The following C1orf141 variants were observed in gnomAD, a reference collection of about 807,000 sequenced individuals.
C1orf141 encodes chromosome 1 open reading frame 141.
C1orf141 carries 19 observed loss-of-function variants against 23.2 expected under a neutral mutation model. That is an observed-to-expected ratio of 0.82 (90% CI 0.57 to 1.20). C1orf141 has a LOEUF of 1.20. Among genes scored for constraint, C1orf141 ranks in the 50% most tolerant of loss-of-function variants. The pLI is 0.00. For synonymous variants in C1orf141, 153 were observed against 154.6 expected, an observed-to-expected ratio of 0.99 and a Z score of 0.08; for missense variants, 469 against 455.1, an observed-to-expected ratio of 1.03 and a Z score of -0.28.
At chr1:67,101,246 TTGA>T (rs1645791377) in intron 5 of C1orf141, among the ~76,000 whole-genome samples, 1 of 152,106 alleles carries the variant, frequency 6.6e-6, no homozygotes, top group African/African-American at 2.4e-5. Context: ...TACCCTAGCT[TTGA>T]GTACATCTAA....
In C1orf141 at chr1:67,125,136, T is replaced by G. The variant is rs143377640; in HGVS notation, c.233+616A>C. On this transcript the variant is annotated intron_variant, in intron 4 of 7. Transcript: ENST00000684719. ...TTAGTTTTCTAGGCAGACTTTTTCT[T>G]AAGTATATCAGTTAAAGTTTGCAAT... 3.0e-3 allele frequency among the ~76,000 whole-genome samples: 450 copies of G among 152,350 alleles called. 8 individuals carry two copies. Among genetic ancestry groups the G allele is most frequent in the Admixed American group, 0.027 (410 of 15,294 alleles).
At chr1:67,121,230 T>C (rs6588241) in intron 4 of C1orf141, among the ~76,000 whole-genome samples, 134,086 of 152,264 alleles carry the variant, frequency 0.88, 59,223 homozygotes, top group East Asian at 0.97. Flanking sequence ...TAAGCTACTT[T>C]TTTGCTGAAC....
In C1orf141 at chr1:67,093,541, T is replaced by G; in HGVS notation, c.667A>C (p.Thr223Pro). 1 of 1,604,994 alleles carries G rather than the reference T, an allele frequency of 6.2e-7. No homozygotes were observed. The highest frequency in any genetic ancestry group is 1.3e-5 in the African/African-American group (1 of 74,698). Residue 223 changes from threonine (T) to proline (P), a missense_variant, in exon 8 of 8, where the codon ACA becomes CCA. By Grantham distance (38) the Thr-to-Pro change is conservative (BLOSUM62 -1). This residue lies in a region of C1orf141 where 370 missense variants were observed against 348.1 expected (regional missense o/e 1.06). Transcript: ENST00000684719. Reference sequence around the variant, plus strand: ...GGATGAGAAGAAAATCTATTTTTTGTCAAAAGTAACATTCGTACATATTCT... The same window carrying G: ...GGATGAGAAGAAAATCTATTTTTTGGCAAAAGTAACATTCGTACATATTCT... ...DTEYVRMLLLTKNRFSSHPLE... is the reference protein window; with the variant it reads ...DTEYVRMLLLPKNRFSSHPLE...
intron 5 of C1orf141, among the ~76,000 whole-genome samples, chr1:67,099,939 C>T (rs1470305100): frequency 6.6e-6 from 1 of 152,106 alleles, no homozygotes. Flanking sequence ...CTTGTATAAG[C>T]TTTTTGCAGT....
At chr1:67,135,196 G>T (rs1646574982), upstream of C1orf141, among the ~76,000 whole-genome samples, 2 of 152,232 alleles carry the variant, frequency 1.3e-5, no homozygotes, top group African/African-American at 4.8e-5. Flanking sequence ...AAAAGAAGAA[G>T]ATCAAGTAAA....
At chr1:67,113,460 G>T (rs1169977034) in intron 5 of C1orf141, among the ~76,000 whole-genome samples, 1 of 151,924 alleles carries the variant, frequency 6.6e-6, no homozygotes, top group Non-Finnish European at 1.5e-5. Flanking sequence ...CTGCCTCCTG[G>T]GTTCAAGGGA....
chr1:67,113,220 TCTGCCTAC>T lies in C1orf141; in HGVS notation c.346+2124_346+2131del, dbSNP rs1570706550. Among the ~76,000 whole-genome samples the T allele has an allele frequency of 2.6e-5, 4 of 152,180 alleles. No homozygotes were observed. The East Asian group carries it at 7.7e-4, about 29-fold the overall frequency. On this transcript the variant is annotated intron_variant, in intron 5 of 7. Coordinates refer to ENST00000684719, the MANE Select transcript of C1orf141 (RefSeq NM_001276351.2). Reference sequence around the variant, plus strand: ...GTCTTGAGCTCCTGACCTCAAGTGATCTGCCTACCTTGACCTCCCAAAGATCTGGGATT... The same window carrying T: ...GTCTTGAGCTCCTGACCTCAAGTGATCTTGACCTCCCAAAGATCTGGGATT...
chr1:67,098,366 C>A (rs773523986), intron 5 of C1orf141, among the ~76,000 whole-genome samples: 28 of 151,994 alleles, frequency 1.8e-4, no homozygotes, highest in Non-Finnish European at 3.4e-4. Context: ...ACTAAAAGTA[C>A]AAAAATCAGC....
intron 4 of C1orf141, among the ~76,000 whole-genome samples, chr1:67,119,911 T>C (rs1178278231): frequency 1.3e-5 from 2 of 152,210 alleles, no homozygotes; most frequent in Non-Finnish European, 2.9e-5. Flanking sequence ...CCAGAGGGCA[T>C]GTGCTCAGGG....
chr1:67,128,404 T>C (rs1476678887), intron 2 of C1orf141, among the ~76,000 whole-genome samples: 1 of 148,976 alleles, frequency 6.7e-6, no homozygotes, highest in Non-Finnish European at 1.5e-5. Context: ...TTTATTTATT[T>C]TAAAAATTGA....
chr1:67,105,715 A>C (rs1461103351), intron 5 of C1orf141, among the ~76,000 whole-genome samples: 5 of 152,092 alleles, frequency 3.3e-5, no homozygotes, highest in African/African-American at 9.7e-5. Flanking sequence ...AGAATAAACA[A>C]AAGCAGGTGG....
intron 5 of C1orf141, among the ~76,000 whole-genome samples, chr1:67,108,984 G>T (rs571773471): frequency 5.5e-4 from 83 of 152,220 alleles, no homozygotes; most frequent in Middle Eastern, 6.8e-3. Context: ...CTGTTGGTGG[G>T]AATGTAAACT....
At chr1:67,108,788 A>G (rs2102449436) in intron 5 of C1orf141, among the ~76,000 whole-genome samples, 1 of 152,290 alleles carries the variant, frequency 6.6e-6, no homozygotes, top group South Asian at 2.1e-4. Context: ...GGCAAAGGAT[A>G]TGAATAGATA....
At chr1:67,129,534 A>C (rs1279212676) in intron 2 of C1orf141, among the ~76,000 whole-genome samples, 1 of 152,120 alleles carries the variant, frequency 6.6e-6, no homozygotes, top group African/African-American at 2.4e-5. Flanking sequence ...CTTGTGACGA[A>C]CCACACAACC....
At chr1:67,115,217 T>C in intron 5 of C1orf141, 135 bp downstream of exon 5, 1 of 530,660 alleles carries the variant, frequency 1.9e-6, no homozygotes, top group Non-Finnish European at 3.4e-6. Flanking sequence ...GTAAGTTCTT[T>C]TTTATAGTTC....
At chr1:67,097,720 A>T (rs915741099) in intron 5 of C1orf141, among the ~76,000 whole-genome samples, 1 of 147,730 alleles carries the variant, frequency 6.8e-6, no homozygotes, top group Non-Finnish European at 1.5e-5. Flanking sequence ...AGAAGGGGGA[A>T]TGTGGGTGGC....
intron 5 of C1orf141, among the ~76,000 whole-genome samples, chr1:67,098,163 A>C (rs1002506016): frequency 1.3e-5 from 2 of 152,184 alleles, no homozygotes; most frequent in Admixed American, 1.3e-4. Flanking sequence ...ACTTCTGGAA[A>C]GGAAAGAGTG....
intron 5 of C1orf141, among the ~76,000 whole-genome samples, chr1:67,101,281 A>G (rs945129362): frequency 3.3e-5 from 5 of 152,158 alleles, no homozygotes; most frequent in African/African-American, 4.8e-5. Context: ...GAAGCCAGAG[A>G]AAAAAAGTGA....
rs1471120586 is a variant in C1orf141 at position 67,093,423 on chromosome 1, G to C, written c.785C>G (p.Ser262Cys). 5.0e-6 allele frequency: 8 copies of C among 1,611,300 alleles called. No individual in the cohort carries two copies. The highest frequency in any genetic ancestry group is 6.8e-6 in the Non-Finnish European group (8 of 1,178,196). ...TTTTTGGGGTTTGAAAAGAGAAATA[G>C]ATTGATTGCCAATTATAGATTTGAG... ...EILKSIIGNQSISLFKPQKTM... is the reference protein window; with the variant it reads ...EILKSIIGNQCISLFKPQKTM... Residue 262 changes from serine (S) to cysteine (C), a missense_variant, in exon 8 of 8, where the codon TCT becomes TGT. This residue lies in a region of C1orf141 where 370 missense variants were observed against 348.1 expected (regional missense o/e 1.06). Transcript: ENST00000684719.
Sources: gnomAD v4.1 joint callset for allele counts (sites outside exome capture counted in the v4.1 genomes callset) on GRCh38, gnomAD v4.1.1 for gene constraint, gnomAD v4.1.1 regional missense constraint, MANE v1.5 for transcripts, NCBI Gene and HGNC (gene_info 2026-07-23, HGNC 2026-07-21) for gene names.